Variants in TAF4B observed in about 807,000 individuals in gnomAD.
The protein encoded by TAF4B is TATA-box binding protein associated factor 4b, also known as transcription initiation factor TFIID subunit 4B.
A neutral mutation model predicts 86.4 loss-of-function variants in TAF4B; 38 were observed. The ratio of observed to expected loss-of-function variants is 0.44; its 90% CI spans 0.34 to 0.58. The LOEUF (loss-of-function observed/expected upper bound fraction) is 0.58, where lower values mean the gene tolerates loss of function less well. Among genes scored for constraint, TAF4B ranks in the 20% least tolerant of loss-of-function variants. The pLI is 0.02. For synonymous variants in TAF4B, 388 were observed against 391.2 expected (o/e 0.99, Z 0.10); for missense variants, 988 against 1,027.6 (o/e 0.96, Z 0.53).
At chr18:26,259,811 G>T (rs1353469207) in intron 1 of TAF4B, among the ~76,000 whole-genome samples, 1 of 152,174 alleles carries the variant, frequency 6.6e-6, no homozygotes, top group African/African-American at 2.4e-5. Flanking sequence ...TAATGGGATG[G>T]CTGGGTCAAA....
Position 26,255,826 on chromosome 18 carries a change from T to C in TAF4B, c.344-9344T>C, listed in dbSNP as rs567507259. On this transcript the variant is annotated intron_variant, in intron 1 of 14. Coordinates refer to ENST00000269142, the MANE Select transcript of TAF4B (RefSeq NM_005640.3). ...ATGAGAACTTCCCCAAAACGGCCTT[T>C]ATAGATGATCCCACAACATGTCTTC... 10 of 1,421,932 alleles carry C rather than the reference T, an allele frequency of 7.0e-6. No homozygotes were observed. In the East Asian group the frequency reaches 2.0e-4, roughly 29 times the overall value. 88.1% of individuals were successfully genotyped at this position (1,421,932 alleles called of 1,614,324 possible).
intron 9 of TAF4B, among the ~76,000 whole-genome samples, chr18:26,306,937 C>A (rs1397374869): frequency 6.6e-6 from 1 of 152,014 alleles, no homozygotes; most frequent in Non-Finnish European, 1.5e-5. Context: ...GCCACCACAC[C>A]CGGCTAATTT....
At chr18:26,382,888 A>T (rs890053545) in intron 14 of TAF4B, among the ~76,000 whole-genome samples, 1 of 152,160 alleles carries the variant, frequency 6.6e-6, no homozygotes, top group African/African-American at 2.4e-5. Flanking sequence ...AGTGCATAGG[A>T]GTTGCACCTA....
At chr18:26,365,043 G>A (rs1440620982) in intron 14 of TAF4B, among the ~76,000 whole-genome samples, 1 of 117,616 alleles carries the variant, frequency 8.5e-6, no homozygotes, top group Non-Finnish European at 1.7e-5. Flanking sequence ...GTCTCGCTTT[G>A]GCACCCAGGC....
chr18:26,285,430 G>T (rs953435788), intron 6 of TAF4B, among the ~76,000 whole-genome samples: 1 of 151,458 alleles, frequency 6.6e-6, no homozygotes, highest in African/African-American at 2.4e-5. Flanking sequence ...TCAAGTGATT[G>T]CTTACTTTGG....
chr18:26,258,252 C>CAAA (rs560676496), intron 1 of TAF4B, among the ~76,000 whole-genome samples: 4 of 112,768 alleles, frequency 3.5e-5, no homozygotes, highest in Admixed American at 9.0e-5. Flanking sequence ...GACTCCATCT[C>CAAA]AAAAAAAAAA....
chr18:26,292,496 C>G, intron 8 of TAF4B, 115 bp downstream of exon 8: 1 of 1,102,064 alleles, frequency 9.1e-7, no homozygotes, highest in Non-Finnish European at 1.3e-6. Context: ...AAAGTTGGCA[C>G]CCATTGAGAG....
At chr18:26,323,077 C>T (rs535434106) in intron 11 of TAF4B, among the ~76,000 whole-genome samples, 139 of 152,098 alleles carry the variant, frequency 9.1e-4, no homozygotes, top group African/African-American at 3.2e-3. Flanking sequence ...AGCTGTATTC[C>T]GTTGTGGTCA....
intron 13 of TAF4B, among the ~76,000 whole-genome samples, chr18:26,352,673 A>G (rs753497069): frequency 3.9e-5 from 6 of 152,126 alleles, no homozygotes; most frequent in Non-Finnish European, 7.4e-5. Flanking sequence ...TTAGGATCCC[A>G]TAAGCCCAGG....
intron 10 of TAF4B, among the ~76,000 whole-genome samples, chr18:26,320,178 A>G (rs2056950093): frequency 6.6e-6 from 1 of 152,220 alleles, no homozygotes; most frequent in African/African-American, 2.4e-5. Flanking sequence ...TCAAACTATA[A>G]TATTTTAAAA....
intron 9 of TAF4B, among the ~76,000 whole-genome samples, chr18:26,296,409 G>C (rs1255464137): frequency 1.3e-5 from 2 of 151,952 alleles, no homozygotes; most frequent in Non-Finnish European, 1.5e-5. Flanking sequence ...GCCCACCACT[G>C]GCTCTGCCCT....
rs1473049889 is a variant in TAF4B at position 26,227,228 on chromosome 18, C to G, written c.295C>G (p.Pro99Ala). Residue 99 changes from proline to alanine, a missense_variant, in exon 1 of 15, where the codon CCC becomes GCC. Transcript: ENST00000269142. ...TCCTCAGATAGTCGCCGTGAAAGCC[C>G]CCAACACCACGACAATCCAGTTTCC... ...PAPQIVAVKAPNTTTIQFPAN... is the reference protein window; with the variant it reads ...PAPQIVAVKAANTTTIQFPAN... 1 of 1,613,838 alleles carries G rather than the reference C, an allele frequency of 6.2e-7. No homozygotes were observed. Among genetic ancestry groups the G allele is most frequent in the Admixed American group, 1.7e-5 (1 of 59,996 alleles).
At chr18:26,274,610 C>T (rs2056359924) in intron 3 of TAF4B, 53 bp from the exon 4 acceptor site, 1 of 1,590,706 alleles carries the variant, frequency 6.3e-7, no homozygotes, top group Admixed American at 1.7e-5. Flanking sequence ...ATGAGGCACC[C>T]ACTAATGTAT....
chr18:26,245,217 T>C (rs923592523), intron 1 of TAF4B, among the ~76,000 whole-genome samples: 8 of 152,146 alleles, frequency 5.3e-5, no homozygotes, highest in Non-Finnish European at 1.0e-4. Context: ...AGGGGTCCGA[T>C]GGTCCTTATC....
rs151134553 is a variant in TAF4B, at chr18:26,269,024, A to G, written c.597+1401A>G. 2.2e-3 allele frequency among the ~76,000 whole-genome samples: 330 copies of G among 152,060 alleles called. 6 individuals are homozygous for G. The East Asian group carries it at 0.051, about 24-fold the overall frequency. The stretch of plus-strand genomic sequence containing the variant: ...TTTTTAGTAGGGATGGGGTTTCACC[A>G]TGTTGGCCAGGCTGGTCTCGAACTC... On this transcript the variant is annotated intron_variant, in intron 3 of 14. Coordinates refer to ENST00000269142, the MANE Select transcript of TAF4B (RefSeq NM_005640.3).
At chr18:26,386,510 C>T (rs1033627948) in intron 14 of TAF4B, among the ~76,000 whole-genome samples, 2 of 152,118 alleles carry the variant, frequency 1.3e-5, no homozygotes, top group Non-Finnish European at 2.9e-5. Flanking sequence ...TTCATGTAGG[C>T]AGTAGTTAGA....
At chr18:26,380,951 C>G (rs983076834) in intron 14 of TAF4B, among the ~76,000 whole-genome samples, 27 of 152,194 alleles carry the variant, frequency 1.8e-4, no homozygotes, top group Middle Eastern at 3.4e-3. Flanking sequence ...TTGAGTTAAT[C>G]AAGCACTATT....
chr18:26,368,034 A>G (rs1375020113), intron 14 of TAF4B, among the ~76,000 whole-genome samples: 5 of 152,182 alleles, frequency 3.3e-5, no homozygotes, highest in African/African-American at 9.7e-5. Flanking sequence ...TTCAAAGGTC[A>G]AAGTTCTGTT....
At chr18:26,229,978 T>TAC (rs766665964) in intron 1 of TAF4B, among the ~76,000 whole-genome samples, 2,254 of 150,856 alleles carry the variant, frequency 0.015, 41 homozygotes, top group African/African-American at 0.046. Context: ...TATATATATA[T>TAC]ACACACACAC....
Sources: allele counts gnomAD v4.1 joint callset (sites outside exome capture counted in the v4.1 genomes callset), GRCh38; gene constraint gnomAD v4.1.1; transcripts MANE v1.5; gene names NCBI Gene and HGNC (gene_info 2026-07-23, HGNC 2026-07-21).